SPATA6: variants seen among roughly 807,000 people sequenced by gnomAD.
SPATA6 encodes the protein spermatogenesis associated 6.
SPATA6 carries 56 observed loss-of-function variants against 65.3 expected under a neutral mutation model. The observed-to-expected ratio is 0.86, with a 90% CI of 0.69 to 1.07. The LOEUF is 1.07. Among genes scored for constraint, SPATA6 ranks in the 50% least tolerant of loss-of-function variants. SPATA6 has a pLI of 0.00. For synonymous variants in SPATA6, 199 were observed against 213.2 expected (o/e 0.93, Z 0.58); for missense variants, 590 against 594.8 (o/e 0.99, Z 0.08).
At chr1:48,386,134 A>C (rs1557650341) in intron 8 of SPATA6, among the ~76,000 whole-genome samples, 1 of 152,216 alleles carries the variant, frequency 6.6e-6, no homozygotes, top group African/African-American at 2.4e-5. Flanking sequence ...CATTTTTAAG[A>C]GTATGAAAAC....
chr1:48,278,739 C>T, the SPATA6 span, among the ~76,000 whole-genome samples: 2 of 152,150 alleles, frequency 1.3e-5, no homozygotes, highest in Non-Finnish European at 2.9e-5. Context: ...GAGAATGGAA[C>T]CAAGTTGGAA....
chr1:48,339,485 T>A (rs1348663820), intron 11 of SPATA6, among the ~76,000 whole-genome samples: 1 of 152,008 alleles, frequency 6.6e-6, no homozygotes, highest in Non-Finnish European at 1.5e-5. Context: ...AGAAGATCTT[T>A]AAAGTAATTA....
chr1:48,461,877 G>A (rs950257752), intron 1 of SPATA6, among the ~76,000 whole-genome samples: 2 of 152,150 alleles, frequency 1.3e-5, no homozygotes, highest in Non-Finnish European at 2.9e-5. Context: ...CCATGCTGCT[G>A]TAAAGACACA....
chr1:48,335,646 A>G (rs999237358), intron 11 of SPATA6, among the ~76,000 whole-genome samples: 1 of 152,200 alleles, frequency 6.6e-6, no homozygotes, highest in Non-Finnish European at 1.5e-5. Context: ...GATTGATTAA[A>G]GACCTAAATG....
At chr1:48,355,468 T>A in intron 11 of SPATA6, 1 of 455,756 alleles carries the variant, frequency 2.2e-6, no homozygotes. Context: ...AGATGGTCTA[T>A]TTCAAACATT....
intron 11 of SPATA6, among the ~76,000 whole-genome samples, chr1:48,342,005 T>C (rs138928741): frequency 1.0e-3 from 157 of 152,332 alleles, no homozygotes; most frequent in African/African-American, 3.7e-3. Context: ...GGTAGCACTA[T>C]TAGTATTAGC....
downstream of SPATA6, among the ~76,000 whole-genome samples, chr1:48,290,769 A>G (rs1644761662): frequency 6.6e-6 from 1 of 152,200 alleles, no homozygotes; most frequent in African/African-American, 2.4e-5. Context: ...CATAATGGTA[A>G]AGGGATCAAT....
At chr1:48,372,307 C>A (rs1647367979) in intron 9 of SPATA6, among the ~76,000 whole-genome samples, 1 of 152,010 alleles carries the variant, frequency 6.6e-6, no homozygotes, top group African/African-American at 2.4e-5. Context: ...AGAAACTGGC[C>A]AAAACAAAGG....
intron 7 of SPATA6, among the ~76,000 whole-genome samples, chr1:48,398,622 C>G (rs1650832716): frequency 6.6e-6 from 1 of 151,652 alleles, no homozygotes; most frequent in Non-Finnish European, 1.5e-5. Flanking sequence ...AGTCTGAAAG[C>G]TTTCAGTAAA....
At chr1:48,366,979 GA>G (rs1647040829) in intron 9 of SPATA6, among the ~76,000 whole-genome samples, 1 of 152,074 alleles carries the variant, frequency 6.6e-6, no homozygotes, top group Non-Finnish European at 1.5e-5. Flanking sequence ...ATGTCCCAGA[GA>G]TTCTGGTATG....
intron 7 of SPATA6, among the ~76,000 whole-genome samples, chr1:48,397,139 G>A (rs1051020362): frequency 6.6e-6 from 1 of 151,632 alleles, no homozygotes; most frequent in Non-Finnish European, 1.5e-5. Flanking sequence ...ATATTTATAT[G>A]AAATGGTAGA....
intron 4 of SPATA6, among the ~76,000 whole-genome samples, chr1:48,412,285 A>G (rs958928972): frequency 6.6e-6 from 1 of 152,194 alleles, no homozygotes; most frequent in Non-Finnish European, 1.5e-5. Flanking sequence ...GGGAACTGTA[A>G]CATTTACTAC....
chr1:48,389,060 G>T (rs544082230), intron 8 of SPATA6, among the ~76,000 whole-genome samples: 43 of 152,072 alleles, frequency 2.8e-4, no homozygotes, highest in African/African-American at 1.0e-3. Context: ...GGCCAGGCTG[G>T]TCTCGAAGTC....
chr1:48,311,917 T>C (rs1319936580), intron 11 of SPATA6, among the ~76,000 whole-genome samples: 1 of 152,176 alleles, frequency 6.6e-6, no homozygotes, highest in East Asian at 1.9e-4. Context: ...CACCAGGAGA[T>C]TGTATCCCGC....
Position 48,403,956 on chromosome 1 carries a change from C to G in SPATA6, c.406-74G>C, listed in dbSNP as rs569425907. 283 of 1,073,394 alleles carry G rather than the reference C, an allele frequency of 2.6e-4. 2 individuals carry two copies. The highest frequency in any genetic ancestry group is 2.1e-5 in the Non-Finnish European group (16 of 745,224). 66.5% of individuals were successfully genotyped at this position (1,073,394 alleles called of 1,614,324 possible). ...ATAATTATTAATGATAAGAATATGA[C>G]CTAAAGTAACAAACACCTGTCAAAG... is the stretch of plus-strand genomic sequence containing the variant. On this transcript the variant is annotated intron_variant, in intron 5 of 12. Transcript: ENST00000371847.
At chr1:48,342,703 C>A (rs574655638) in intron 11 of SPATA6, among the ~76,000 whole-genome samples, 1 of 151,584 alleles carries the variant, frequency 6.6e-6, no homozygotes, top group Non-Finnish European at 1.5e-5. Context: ...ATTAGAAGAG[C>A]AGAGAGTGTA....
At chr1:48,418,888 G>T (rs1653060774) in intron 3 of SPATA6, among the ~76,000 whole-genome samples, 1 of 150,706 alleles carries the variant, frequency 6.6e-6, no homozygotes, top group Non-Finnish European at 1.5e-5. Flanking sequence ...GAAAAGGAGA[G>T]AGAAGAAAGG....
At chr1:48,424,595 A>G (rs1315804804) in intron 3 of SPATA6, among the ~76,000 whole-genome samples, 1 of 152,194 alleles carries the variant, frequency 6.6e-6, no homozygotes, top group African/African-American at 2.4e-5. Context: ...ACTAATTTAC[A>G]TTCCCAGAAA....
At chr1:48,362,765 A>G (rs889935421) in intron 9 of SPATA6, among the ~76,000 whole-genome samples, 2 of 152,184 alleles carry the variant, frequency 1.3e-5, no homozygotes, top group African/African-American at 4.8e-5. Flanking sequence ...GGAGGAGAAA[A>G]GCCATTCAGA....
Sources: gnomAD v4.1 joint callset for allele counts (sites outside exome capture counted in the v4.1 genomes callset) on GRCh38, gnomAD v4.1.1 for gene constraint, MANE v1.5 for transcripts, NCBI Gene and HGNC (gene_info 2026-07-23, HGNC 2026-07-21) for gene names.